Variants in ITGB6 observed in about 807,000 individuals in gnomAD.
ITGB6 encodes integrin subunit beta 6, also known as integrin beta-6.
ITGB6 carries 80 observed loss-of-function variants against 84.5 expected under a neutral mutation model. The observed-to-expected ratio is 0.95, with a 90% CI of 0.79 to 1.14. The LOEUF is 1.14. Among genes scored for constraint, ITGB6 ranks in the 50% most tolerant of loss-of-function variants. The probability of loss-of-function intolerance (pLI) is 0.00; values close to 1 mark genes in which losing one functional copy is unlikely to be tolerated. For missense variants in ITGB6, 1,006 were observed against 968.0 expected (o/e 1.04, Z -0.52); for synonymous variants, 383 against 354.9 (o/e 1.08, Z -0.89).
intron 4 of ITGB6, among the ~76,000 whole-genome samples, chr2:160,189,977 T>G (rs895627808): frequency 1.8e-4 from 28 of 151,912 alleles, no homozygotes; most frequent in East Asian, 7.7e-4. Flanking sequence ...ATGATAGACT[T>G]GATTAAGAAA....
At chr2:160,161,176 A>G (rs1684802669) in intron 7 of ITGB6, among the ~76,000 whole-genome samples, 1 of 152,146 alleles carries the variant, frequency 6.6e-6, no homozygotes, top group Non-Finnish European at 1.5e-5. Flanking sequence ...AGACACCTAT[A>G]AGTATGGCAA....
intron 4 of ITGB6, among the ~76,000 whole-genome samples, chr2:160,191,253 T>C (rs559555990): frequency 1.1e-4 from 16 of 152,294 alleles, no homozygotes; most frequent in Admixed American, 1.0e-3. Flanking sequence ...ATCTATGTAT[T>C]CAGTGTCACA....
At chr2:160,132,839 T>A (rs1352222511) in intron 10 of ITGB6, among the ~76,000 whole-genome samples, 1 of 152,134 alleles carries the variant, frequency 6.6e-6, no homozygotes, top group Non-Finnish European at 1.5e-5. Flanking sequence ...CTACTTTAAA[T>A]TTTTCTCAAA....
chr2:160,170,224 A>G (rs1685151541), intron 6 of ITGB6, among the ~76,000 whole-genome samples: 1 of 152,208 alleles, frequency 6.6e-6, no homozygotes, highest in Non-Finnish European at 1.5e-5. Context: ...GTACACTCAT[A>G]TGGAATATTC....
At chr2:160,151,296 A>C (rs1458301401) in intron 7 of ITGB6, among the ~76,000 whole-genome samples, 1 of 152,148 alleles carries the variant, frequency 6.6e-6, no homozygotes, top group Non-Finnish European at 1.5e-5. Context: ...GAAACTCACT[A>C]AAAACTGCAC....
chr2:160,139,955 T>A (rs915844698), intron 8 of ITGB6, among the ~76,000 whole-genome samples: 2 of 152,158 alleles, frequency 1.3e-5, no homozygotes, highest in African/African-American at 4.8e-5. Flanking sequence ...TACGGCACTG[T>A]AAAATACTGA....
intron 4 of ITGB6, among the ~76,000 whole-genome samples, chr2:160,179,965 C>G (rs1353386909): frequency 7.8e-6 from 1 of 128,108 alleles, no homozygotes; most frequent in South Asian, 2.5e-4. Flanking sequence ...AAAAAAAAAT[C>G]ATCTGGGCAT....
At chr2:160,186,286 A>AAC (rs1234737783) in intron 4 of ITGB6, among the ~76,000 whole-genome samples, 4 of 150,560 alleles carry the variant, frequency 2.7e-5, no homozygotes, top group African/African-American at 9.7e-5. Context: ...AAAAAAAAAA[A>AAC]CATCAAAAAG....
chr2:160,192,797 A>T (rs1686191742), intron 4 of ITGB6, among the ~76,000 whole-genome samples: 1 of 152,184 alleles, frequency 6.6e-6, no homozygotes, highest in Non-Finnish European at 1.5e-5. Flanking sequence ...AATATTGGAA[A>T]GACAGTCTAA....
At chr2:160,144,258 T>G (rs1684104913) in intron 7 of ITGB6, among the ~76,000 whole-genome samples, 2 of 152,186 alleles carry the variant, frequency 1.3e-5, no homozygotes, top group African/African-American at 4.8e-5. Flanking sequence ...TGTTTTATTA[T>G]TGAGGGGGCT....
At chr2:160,121,351 A>G (rs1683031172) in intron 12 of ITGB6, among the ~76,000 whole-genome samples, 1 of 152,230 alleles carries the variant, frequency 6.6e-6, no homozygotes, top group Admixed American at 6.5e-5. Flanking sequence ...TGCAAAGAAA[A>G]CAAGAAACCT....
At chr2:160,147,669 C>G (rs1684251338) in intron 7 of ITGB6, among the ~76,000 whole-genome samples, 1 of 152,018 alleles carries the variant, frequency 6.6e-6, no homozygotes, top group South Asian at 2.1e-4. Flanking sequence ...AGAAATAGAC[C>G]TACATAAATA....
At position 160,178,571 on chromosome 2, in the gene ITGB6, C is replaced by T. The variant is rs1197679886; in HGVS notation, c.594-4432G>A. 2.0e-5 allele frequency among the ~76,000 whole-genome samples: 3 copies of T among 152,108 alleles called. No homozygotes were observed. The East Asian group carries it at 5.8e-4, about 29-fold the overall frequency. On this transcript the variant is annotated intron_variant, in intron 4 of 14. Coordinates refer to ENST00000283249, the MANE Select transcript of ITGB6 (RefSeq NM_000888.5). ...TAAAGAAATTCAAGTGATAGGAGAG[C>T]TAAAGCAAAACAGAATGTCAGAGAT...
Position 160,112,079 on chromosome 2 carries a change from C to G in ITGB6, c.2101+1G>C, listed in dbSNP as rs760686515. On this transcript the variant is annotated splice_donor_variant, in intron 13 of 14. Coordinates refer to ENST00000283249, the MANE Select transcript of ITGB6 (RefSeq NM_000888.5). LOFTEE classifies it high-confidence loss of function. ...TCGGCAATGGAAGGCAAAACACCCA[C>G]CTTTTTCATTGATGCTGTGAATGAT... is the stretch of plus-strand genomic sequence containing the variant. 6.2e-7 allele frequency: 1 copy of G among 1,611,980 alleles called. No homozygotes were observed. The highest frequency in any genetic ancestry group is 1.3e-5 in the African/African-American group (1 of 74,782).
intron 6 of ITGB6, among the ~76,000 whole-genome samples, chr2:160,170,585 T>C (rs1385301334): frequency 1.3e-5 from 2 of 152,220 alleles, no homozygotes; most frequent in Admixed American, 1.3e-4. Context: ...GCTGGTTTTC[T>C]ATTTGAATCA....
Position 160,126,494 on chromosome 2 carries a change from G to A in ITGB6, c.1768C>T (p.Leu590Phe). The change falls in exon 11 of 15, where the codon CTC (leucine) becomes TTC (phenylalanine). Residue 590 changes from leucine (L) to phenylalanine (F), a missense_variant. Transcript: ENST00000283249. The part of the protein sequence containing the change: ...TDSCVSEDGV[L>F]CSGRGDCVCG... ...ACACAGTCCCCGCGCCCGCTGCAGA[G>A]CACTCCATCTTCAGAGACGCAGGAG... 1 of 1,614,182 alleles carries A rather than the reference G, an allele frequency of 6.2e-7. No individual in the cohort carries two copies. Among genetic ancestry groups the A allele is most frequent in the Non-Finnish European group, 8.5e-7 (1 of 1,180,026 alleles).
At chr2:160,159,220 T>G (rs897403188) in intron 7 of ITGB6, among the ~76,000 whole-genome samples, 6 of 149,952 alleles carry the variant, frequency 4.0e-5, no homozygotes, top group Non-Finnish European at 8.9e-5. Flanking sequence ...AAAAAGAAAA[T>G]AAAAAGAAAA....
chr2:160,178,342 C>G (rs2105876180), intron 4 of ITGB6, among the ~76,000 whole-genome samples: 1 of 152,288 alleles, frequency 6.6e-6, no homozygotes. Flanking sequence ...CCTAACTATT[C>G]TTGGAAATTG....
chr2:160,192,006 A>G (rs1357361924), intron 4 of ITGB6, among the ~76,000 whole-genome samples: 1 of 152,214 alleles, frequency 6.6e-6, no homozygotes, highest in Non-Finnish European at 1.5e-5. Context: ...GATATATGTC[A>G]TGTAAAATGA....
Sources: gnomAD v4.1 joint callset for allele counts (sites outside exome capture counted in the v4.1 genomes callset) on GRCh38, gnomAD v4.1.1 for gene constraint, MANE v1.5 for transcripts, NCBI Gene and HGNC (gene_info 2026-07-23, HGNC 2026-07-21) for gene names.